DIAPH3: variants seen among roughly 807,000 people sequenced by gnomAD.
DIAPH3 encodes diaphanous related formin 3, also known as protein diaphanous homolog 3.
In DIAPH3, 117 loss-of-function variants were observed where a neutral mutation model predicts 144.3. The ratio of observed to expected loss-of-function variants is 0.81; its 90% CI spans 0.70 to 0.95. DIAPH3 has a LOEUF of 0.95. DIAPH3 is among the 40% of genes least tolerant of loss of function. DIAPH3 has a pLI of 0.00. For missense variants in DIAPH3, 1,421 were observed against 1,412.7 expected, an observed-to-expected ratio of 1.01 and a Z score of -0.09; for synonymous variants, 519 against 488.9, an observed-to-expected ratio of 1.06 and a Z score of -0.81.
chr13:60,004,159 T>C (rs11841515), intron 9 of DIAPH3, among the ~76,000 whole-genome samples: 2,121 of 152,326 alleles, frequency 0.014, 65 homozygotes, highest in East Asian at 0.1. Flanking sequence ...AACAATTGGT[T>C]CCTATTTTAT....
intron 27 of DIAPH3, among the ~76,000 whole-genome samples, chr13:59,713,603 T>A (rs1302451962): frequency 1.3e-5 from 2 of 151,660 alleles, no homozygotes; most frequent in African/African-American, 2.4e-5. Flanking sequence ...TGTGGGGGAC[T>A]AAAGTGAGTT....
intron 24 of DIAPH3, among the ~76,000 whole-genome samples, chr13:59,811,461 G>T (rs1234673604): frequency 6.6e-6 from 1 of 151,986 alleles, no homozygotes; most frequent in African/African-American, 2.4e-5. Context: ...TTTCTTGGCC[G>T]GGCACAGTGG....
chr13:59,918,945 A>T (rs1244355052), intron 18 of DIAPH3, among the ~76,000 whole-genome samples: 1 of 13,438 alleles, frequency 7.4e-5, no homozygotes, highest in Non-Finnish European at 1.7e-4. Context: ...AAGAAAATAC[A>T]AAAAAAAAAA....
chr13:60,091,867 G>C (rs1049803308), intron 4 of DIAPH3, among the ~76,000 whole-genome samples: 4 of 151,742 alleles, frequency 2.6e-5, no homozygotes, highest in African/African-American at 9.7e-5. Flanking sequence ...TTTAGAGACA[G>C]GGTCTCACTC....
intron 3 of DIAPH3, among the ~76,000 whole-genome samples, chr13:60,107,061 A>T (rs922986872): frequency 1.3e-5 from 2 of 152,232 alleles, no homozygotes; most frequent in African/African-American, 4.8e-5. Flanking sequence ...GTAAAACTTT[A>T]ATAGTGTGTG....
At chr13:59,748,906 C>A (rs963403319) in intron 27 of DIAPH3, among the ~76,000 whole-genome samples, 1 of 152,090 alleles carries the variant, frequency 6.6e-6, no homozygotes, top group Admixed American at 6.6e-5. Flanking sequence ...TCATGCTGAG[C>A]ACACAGTGTT....
chr13:60,085,985 T>C (rs985605850), intron 4 of DIAPH3, among the ~76,000 whole-genome samples: 6 of 152,090 alleles, frequency 3.9e-5, no homozygotes, highest in Non-Finnish European at 8.8e-5. Flanking sequence ...ACAAGCGGTA[T>C]AAACATCATT....
chr13:59,725,194 T>G (rs1291524449), intron 27 of DIAPH3, among the ~76,000 whole-genome samples: 1 of 152,174 alleles, frequency 6.6e-6, no homozygotes, highest in Non-Finnish European at 1.5e-5. Context: ...GACTATATTT[T>G]CAATCAGCCT....
chr13:59,874,868 G>T (rs2044513435), intron 21 of DIAPH3, among the ~76,000 whole-genome samples: 2 of 152,208 alleles, frequency 1.3e-5, no homozygotes, highest in South Asian at 2.1e-4. Flanking sequence ...TGATCAGAAT[G>T]ATCTGTTACT....
At chr13:59,734,380 A>G (rs969800757) in intron 27 of DIAPH3, among the ~76,000 whole-genome samples, 2 of 152,210 alleles carry the variant, frequency 1.3e-5, no homozygotes, top group Non-Finnish European at 2.9e-5. Flanking sequence ...ATGAAAAATA[A>G]AAGCTTATTT....
intron 20 of DIAPH3, among the ~76,000 whole-genome samples, chr13:59,905,124 CG>C (rs2046653613): frequency 6.6e-6 from 1 of 151,756 alleles, no homozygotes; most frequent in Non-Finnish European, 1.5e-5. Flanking sequence ...GGGCAGATCA[CG>C]AGGTCAGGAG....
At chr13:59,959,329 T>C (rs989159430) in intron 17 of DIAPH3, among the ~76,000 whole-genome samples, 3 of 152,196 alleles carry the variant, frequency 2.0e-5, no homozygotes, top group Non-Finnish European at 4.4e-5. Flanking sequence ...TAAGAAATTT[T>C]ATGGCATAGA....
intron 27 of DIAPH3, among the ~76,000 whole-genome samples, chr13:59,726,563 A>T (rs1249789598): frequency 6.6e-6 from 1 of 152,158 alleles, no homozygotes; most frequent in Non-Finnish European, 1.5e-5. Context: ...TAACCAACTC[A>T]AGAATCCCCC....
intron 25 of DIAPH3, among the ~76,000 whole-genome samples, chr13:59,800,056 C>T (rs2139465584): frequency 6.6e-6 from 1 of 152,178 alleles, no homozygotes; most frequent in Non-Finnish European, 1.5e-5. Context: ...ACCAAATTGT[C>T]AAAACTTCTG....
intron 21 of DIAPH3, among the ~76,000 whole-genome samples, chr13:59,865,326 C>T (rs2043852828): frequency 6.6e-6 from 1 of 151,922 alleles, no homozygotes; most frequent in African/African-American, 2.4e-5. Context: ...AGTTTCTGAG[C>T]TAGAACAAGT....
rs1375107758 is a variant in DIAPH3 at position 59,981,008 on chromosome 13, G to T, written c.1481-149C>A. 4.6e-6 allele frequency: 3 copies of T among 646,556 alleles called. No homozygotes were observed. In the East Asian group the frequency reaches 8.5e-5, roughly 18 times the overall value. The allele number at this position is 646,556 out of a possible 1,614,324, so 40.1% of individuals were successfully genotyped here. On this transcript the variant is annotated intron_variant, in intron 13 of 27. Coordinates refer to ENST00000400324, the MANE Select transcript of DIAPH3 (RefSeq NM_001042517.2). Reference sequence around the variant, plus strand: ...AAATGGAAAAAATATTATAATGTTGGAATGAAAAAGGCTTTTCTAAGCATG... The same window carrying T: ...AAATGGAAAAAATATTATAATGTTGTAATGAAAAAGGCTTTTCTAAGCATG...
At chr13:59,997,019 A>C (rs423479) in intron 9 of DIAPH3, among the ~76,000 whole-genome samples, 84,497 of 151,912 alleles carry the variant, frequency 0.56, 24,044 homozygotes, top group Admixed American at 0.61. Context: ...TTTATTGTAC[A>C]TGAGAAATCT....
chr13:59,885,352 T>C (rs1022060372), intron 20 of DIAPH3, among the ~76,000 whole-genome samples: 1 of 151,790 alleles, frequency 6.6e-6, no homozygotes, highest in Non-Finnish European at 1.5e-5. Context: ...AAACCAGTGT[T>C]TTGATTTCAA....
At chr13:60,150,608 G>A (rs1951736416) in intron 1 of DIAPH3, among the ~76,000 whole-genome samples, 6 of 152,180 alleles carry the variant, frequency 3.9e-5, no homozygotes, top group Admixed American at 3.9e-4. Context: ...CTGAACAAAT[G>A]CGGTTATTGT....
Sources: allele counts gnomAD v4.1 joint callset (sites outside exome capture counted in the v4.1 genomes callset), GRCh38; gene constraint gnomAD v4.1.1; transcripts MANE v1.5; gene names NCBI Gene and HGNC (gene_info 2026-07-23, HGNC 2026-07-21).